Variants in RPS6KC1 observed in about 807,000 individuals in gnomAD.
RPS6KC1 encodes the protein inactive ribosomal protein S6 kinase delta-1.
In RPS6KC1, 54 loss-of-function variants were observed where a neutral mutation model predicts 103.8. The observed-to-expected ratio is 0.52, with a 90% CI of 0.42 to 0.65. The LOEUF (loss-of-function observed/expected upper bound fraction) is 0.65, where lower values mean the gene tolerates loss of function less well. RPS6KC1 is among the 30% of genes least tolerant of loss of function. RPS6KC1 has a pLI of 0.00. For missense variants in RPS6KC1, 1,151 were observed against 1,253.8 expected (o/e 0.92, Z 1.24); for synonymous variants, 439 against 438.7 (o/e 1.00, Z -0.01).
chr1:213,773,021 C>T, the RPS6KC1 span, among the ~76,000 whole-genome samples: 1 of 152,172 alleles, frequency 6.6e-6, no homozygotes, highest in South Asian at 2.1e-4. Flanking sequence ...AACGTCCCCT[C>T]TAAAGACCAT....
chr1:213,317,113 C>G, the RPS6KC1 span, among the ~76,000 whole-genome samples: 4 of 152,304 alleles, frequency 2.6e-5, no homozygotes, highest in African/African-American at 9.6e-5. Context: ...AAGCTGGCTA[C>G]TGTATTGAGA....
the RPS6KC1 span, among the ~76,000 whole-genome samples, chr1:213,351,270 C>T: frequency 6.6e-6 from 1 of 152,144 alleles, no homozygotes; most frequent in Non-Finnish European, 1.5e-5. Context: ...GAAGATTTGT[C>T]AGCATGAAAA....
At chr1:213,765,607 C>T in the RPS6KC1 span, among the ~76,000 whole-genome samples, 372 of 152,176 alleles carry the variant, frequency 2.4e-3, 1 homozygote, top group Middle Eastern at 6.8e-3. Context: ...TTTGTTGAAC[C>T]GCAAAACTTC....
the RPS6KC1 span, among the ~76,000 whole-genome samples, chr1:213,853,333 C>A: frequency 6.6e-6 from 1 of 152,236 alleles, no homozygotes. Flanking sequence ...TCATGATGTT[C>A]TCTGGACCAT....
rs77658767 is a variant in RPS6KC1 at position 213,195,439 on chromosome 1, C to T, written c.1044+18947C>T. Among the ~76,000 whole-genome samples the T allele has an allele frequency of 2.0e-4, 31 of 152,020 alleles. No individual in the cohort carries two copies. In the East Asian group the frequency reaches 5.6e-3, roughly 27 times the overall value. On this transcript the variant is annotated intron_variant, in intron 8 of 14. Coordinates refer to ENST00000366960, the MANE Select transcript of RPS6KC1 (RefSeq NM_012424.6). Reference sequence around the variant, plus strand: ...TCTGAAATAAAAAGTTTTAAAAATTCGTAACGTGTTTATTGGTCTGTCTTT... The same window carrying T: ...TCTGAAATAAAAAGTTTTAAAAATTTGTAACGTGTTTATTGGTCTGTCTTT...
chr1:213,527,610 A>T, the RPS6KC1 span, among the ~76,000 whole-genome samples: 1 of 152,200 alleles, frequency 6.6e-6, no homozygotes, highest in Non-Finnish European at 1.5e-5. Context: ...AATTCCCAGA[A>T]CATTCCCATT....
the RPS6KC1 span, among the ~76,000 whole-genome samples, chr1:213,796,801 G>A: frequency 3.9e-5 from 6 of 152,242 alleles, no homozygotes; most frequent in East Asian, 7.7e-4. Flanking sequence ...AGTTTAACCC[G>A]ATTTCTTTCC....
chr1:213,531,160 A>G, the RPS6KC1 span, among the ~76,000 whole-genome samples: 3 of 152,280 alleles, frequency 2.0e-5, no homozygotes, highest in Admixed American at 6.5e-5. Context: ...CCTTTTAGAA[A>G]GGGAACCCCG....
chr1:213,428,894 A>C, the RPS6KC1 span: 1 of 157,282 alleles, frequency 6.4e-6, no homozygotes, highest in Non-Finnish European at 1.4e-5. Flanking sequence ...CAATGTGCAC[A>C]TCTGGAATTC....
the RPS6KC1 span, among the ~76,000 whole-genome samples, chr1:213,507,934 A>G: frequency 6.6e-6 from 1 of 152,248 alleles, no homozygotes; most frequent in Non-Finnish European, 1.5e-5. Flanking sequence ...GTATTTAAGC[A>G]TGTTTATTAT....
chr1:213,364,700 T>C, the RPS6KC1 span, among the ~76,000 whole-genome samples: 1 of 152,104 alleles, frequency 6.6e-6, no homozygotes, highest in African/African-American at 2.4e-5. Context: ...ACACCTGTAA[T>C]TGCAGCATGT....
the RPS6KC1 span, among the ~76,000 whole-genome samples, chr1:213,385,388 G>A: frequency 6.6e-6 from 1 of 152,216 alleles, no homozygotes; most frequent in African/African-American, 2.4e-5. Context: ...GGGCCACACA[G>A]CTAGTAATGG....
chr1:213,615,347 C>T, the RPS6KC1 span, among the ~76,000 whole-genome samples: 1 of 152,342 alleles, frequency 6.6e-6, no homozygotes, highest in South Asian at 2.1e-4. Flanking sequence ...GGGGCTTTTG[C>T]ATTGGCCAAT....
chr1:213,744,040 A>G, the RPS6KC1 span, among the ~76,000 whole-genome samples: 1 of 152,198 alleles, frequency 6.6e-6, no homozygotes, highest in Non-Finnish European at 1.5e-5. Flanking sequence ...GGAAAACCAA[A>G]TATTGTATGT....
the RPS6KC1 span, among the ~76,000 whole-genome samples, chr1:213,422,661 A>G: frequency 1.3e-5 from 2 of 152,260 alleles, no homozygotes; most frequent in Non-Finnish European, 2.9e-5. Flanking sequence ...GAAAGAAACA[A>G]TGAAGAGGAA....
At chr1:213,606,489 T>G in the RPS6KC1 span, among the ~76,000 whole-genome samples, 4 of 152,214 alleles carry the variant, frequency 2.6e-5, no homozygotes, top group South Asian at 8.3e-4. Context: ...GTGTTTGAAG[T>G]TGCTATTAGT....
chr1:213,203,473 ATTTT>A (rs1165313230), intron 8 of RPS6KC1, among the ~76,000 whole-genome samples: 2 of 152,014 alleles, frequency 1.3e-5, no homozygotes, highest in African/African-American at 4.8e-5. Flanking sequence ...TATTTTTAAA[ATTTT>A]TTATTGACTG....
intron 1 of RPS6KC1, among the ~76,000 whole-genome samples, chr1:213,052,757 A>C (rs370786323): frequency 6.6e-6 from 1 of 152,054 alleles, no homozygotes; most frequent in African/African-American, 2.4e-5. Context: ...GCTCAGGCTC[A>C]TTTCGAAGTC....
chr1:213,177,420 A>C (rs2091944848), intron 8 of RPS6KC1, among the ~76,000 whole-genome samples: 1 of 152,220 alleles, frequency 6.6e-6, no homozygotes, highest in Non-Finnish European at 1.5e-5. Context: ...ATTATTTGTG[A>C]AGTATGCGTG....
Sources: gnomAD v4.1 joint callset for allele counts (sites outside exome capture counted in the v4.1 genomes callset) on GRCh38, gnomAD v4.1.1 for gene constraint, MANE v1.5 for transcripts, NCBI Gene and HGNC (gene_info 2026-07-23, HGNC 2026-07-21) for gene names.